The following PIKFYVE variants were observed in gnomAD, a reference collection of about 807,000 sequenced individuals.
PIKFYVE encodes the protein phosphoinositide kinase, FYVE-type zinc finger containing, also known as 1-phosphatidylinositol 3-phosphate 5-kinase.
Under a neutral mutation model 257.9 loss-of-function variants are expected in PIKFYVE, and 122 were observed. The ratio of observed to expected loss-of-function variants is 0.47; its 90% confidence interval spans 0.41 to 0.55. The LOEUF (loss-of-function observed/expected upper bound fraction) is 0.55, where lower values mean the gene tolerates loss of function less well. Ranked by LOEUF, PIKFYVE falls within the 20% of genes least tolerant of loss-of-function variation. The probability of loss-of-function intolerance (pLI) is 0.00; values close to 1 mark genes in which losing one functional copy is unlikely to be tolerated. For synonymous variants in PIKFYVE, 892 were observed against 868.9 expected, an observed-to-expected ratio of 1.03 and a Z score of -0.47; for missense variants, 2,160 against 2,536.6, an observed-to-expected ratio of 0.85 and a Z score of 3.19.
intron 40 of PIKFYVE, 90 bp from the exon 41 acceptor site, chr2:208,354,481 T>C: frequency 1.7e-6 from 2 of 1,184,704 alleles, no homozygotes; most frequent in East Asian, 2.3e-5. Flanking sequence ...TTAACTGTCA[T>C]AGAAGTAGTA....
chr2:208,349,489 T>C (rs918789032), intron 35 of PIKFYVE, among the ~76,000 whole-genome samples: 3 of 149,792 alleles, frequency 2.0e-5, no homozygotes, highest in Non-Finnish European at 4.4e-5. Flanking sequence ...AATATATAAT[T>C]GTATTATATG....
chr2:208,307,539 GGAGA>G (rs1186888690), intron 12 of PIKFYVE, among the ~76,000 whole-genome samples: 1 of 151,708 alleles, frequency 6.6e-6, no homozygotes, highest in African/African-American at 2.4e-5. Flanking sequence ...TCGAAGAGTA[GGAGA>G]GAGTCTAGAT....
chr2:208,302,424 A>G, intron 10 of PIKFYVE, 71 bp downstream of exon 10: 1 of 1,343,416 alleles, frequency 7.4e-7, no homozygotes, highest in Non-Finnish European at 1.1e-6. Context: ...ATCAGTGGGA[A>G]TAAAAAGTAG....
In PIKFYVE at chr2:208,336,179, T is replaced by C. The variant is rs1399537830; in HGVS notation, c.4499T>C (p.Val1500Ala). The C allele has an allele frequency of 6.2e-7, 1 of 1,614,082 alleles. No individual in the cohort carries two copies. The highest frequency in any genetic ancestry group is 1.3e-5 in the African/African-American group (1 of 75,052). Residue 1500 changes from valine to alanine, a missense_variant, in exon 27 of 42, where the codon GTG (valine) becomes GCG (alanine). By Grantham distance (64) the Val-to-Ala change is moderately conservative. Coordinates refer to ENST00000264380, the MANE Select transcript of PIKFYVE (RefSeq NM_015040.4). The stretch of plus-strand genomic sequence containing the variant: ...GCCAAGAAACAAAGTCTCTGTGAAG[T>C]GCTGCAAGCTTGGAATAACAGGTGT... ...LIAKKQSLCE[V>A]LQAWNNRLQD...
intron 38 of PIKFYVE, among the ~76,000 whole-genome samples, chr2:208,352,155 C>T (rs995123956): frequency 1.3e-5 from 2 of 152,152 alleles, no homozygotes; most frequent in Non-Finnish European, 2.9e-5. Context: ...AAATTAGGTG[C>T]ACATTCAGTA....
intron 17 of PIKFYVE, 92 bp downstream of exon 17, chr2:208,320,451 T>G: frequency 6.7e-7 from 1 of 1,501,648 alleles, no homozygotes; most frequent in Non-Finnish European, 9.2e-7. Flanking sequence ...TAATTCTAGC[T>G]AATTAAATTG....
At chr2:208,351,972 T>G (rs1574769594) in intron 38 of PIKFYVE, among the ~76,000 whole-genome samples, 1 of 152,260 alleles carries the variant, frequency 6.6e-6, no homozygotes, top group Non-Finnish European at 1.5e-5. Context: ...TTCTCTGTGG[T>G]AAGATATATG....
chr2:208,350,622 A>G (rs1699688676), intron 36 of PIKFYVE, 149 bp from the exon 37 acceptor site: 1 of 785,344 alleles, frequency 1.3e-6, no homozygotes, highest in African/African-American at 1.7e-5. Flanking sequence ...CAAAATTGTG[A>G]TAAATAGGGA....
intron 5 of PIKFYVE, among the ~76,000 whole-genome samples, chr2:208,284,075 TTAG>T (rs1377734609): frequency 2.6e-5 from 4 of 152,180 alleles, no homozygotes; most frequent in African/African-American, 9.7e-5. Flanking sequence ...CAACATGTTA[TTAG>T]TAAGGTTTAA....
At chr2:208,280,311 C>G (rs1690643207) in intron 5 of PIKFYVE, among the ~76,000 whole-genome samples, 1 of 152,140 alleles carries the variant, frequency 6.6e-6, no homozygotes, top group African/African-American at 2.4e-5. Context: ...GTTGTCTATT[C>G]TAACTGTATG....
In PIKFYVE at chr2:208,356,665, A is replaced by T. The variant is rs1359658766; in HGVS notation, c.*1360A>T. On this transcript the variant is annotated 3_prime_UTR_variant, in exon 42 of 42. Coordinates refer to ENST00000264380, the MANE Select transcript of PIKFYVE (RefSeq NM_015040.4). Reference sequence around the variant, plus strand: ...CAAGACTGTCTCAAAAAACAAAACGAAACAAAAAAAGAAAGTTATTCTTAG... The same window carrying T: ...CAAGACTGTCTCAAAAAACAAAACGTAACAAAAAAAGAAAGTTATTCTTAG... 6.6e-6 allele frequency: 1 copy of T among 152,624 alleles called. No individual in the cohort carries two copies. The highest frequency in any genetic ancestry group is 2.4e-5 in the African/African-American group (1 of 41,440). 9.5% of individuals were successfully genotyped at this position (152,624 alleles called of 1,614,324 possible). A position where few individuals can be genotyped will look rare whatever the true frequency, so the allele number is the denominator to read the frequency against.
chr2:208,324,010 G>A (rs1319522231), intron 17 of PIKFYVE, 132 bp from the exon 18 acceptor site: 13 of 792,614 alleles, frequency 1.6e-5, no homozygotes, highest in Non-Finnish European at 2.4e-5. Context: ...CTGGATATTA[G>A]CCCTTTGTCA....
intron 18 of PIKFYVE, among the ~76,000 whole-genome samples, chr2:208,324,490 G>C (rs955290529): frequency 6.6e-6 from 1 of 152,112 alleles, no homozygotes; most frequent in Non-Finnish European, 1.5e-5. Context: ...AATACTTATT[G>C]GTGTCTACAA....
At chr2:208,318,133 A>G (rs1695767833) in intron 16 of PIKFYVE, among the ~76,000 whole-genome samples, 192 bp downstream of exon 16, 1 of 152,188 alleles carries the variant, frequency 6.6e-6, no homozygotes. Flanking sequence ...TGGAATTTGA[A>G]TAATGGGAAT....
intron 7 of PIKFYVE, among the ~76,000 whole-genome samples, chr2:208,295,292 T>C (rs1692827837): frequency 6.6e-6 from 1 of 152,218 alleles, no homozygotes; most frequent in South Asian, 2.1e-4. Flanking sequence ...TTTTGAATAC[T>C]TAAGTGTTTT....
chr2:208,320,193 A>G (rs1371477928), intron 16 of PIKFYVE, 59 bp from the exon 17 acceptor site: 2 of 1,578,154 alleles, frequency 1.3e-6, no homozygotes, highest in Non-Finnish European at 1.7e-6. Flanking sequence ...GTTATAATTA[A>G]AGGAGGGCTG....
chr2:208,292,238 G>A (rs568674335), intron 7 of PIKFYVE, among the ~76,000 whole-genome samples: 104 of 152,104 alleles, frequency 6.8e-4, no homozygotes, highest in African/African-American at 2.3e-3. Flanking sequence ...TTTGGTGAAT[G>A]TTCCATGTTA....
chr2:208,280,232 A>G (rs1690631089), intron 5 of PIKFYVE, among the ~76,000 whole-genome samples: 1 of 152,202 alleles, frequency 6.6e-6, no homozygotes, highest in Admixed American at 6.5e-5. Context: ...ACAGAAATGT[A>G]TGTCTCATAG....
intron 28 of PIKFYVE, 81 bp from the exon 29 acceptor site, chr2:208,338,427 T>A: frequency 7.4e-7 from 1 of 1,356,318 alleles, no homozygotes; most frequent in South Asian, 1.2e-5. Flanking sequence ...GACCAAAAAG[T>A]TTAAGATTCA....
Sources: gnomAD v4.1 joint callset for allele counts (sites outside exome capture counted in the v4.1 genomes callset) on GRCh38, gnomAD v4.1.1 for gene constraint, MANE v1.5 for transcripts, NCBI Gene and HGNC (gene_info 2026-07-23, HGNC 2026-07-21) for gene names.